UBR1: variants seen among roughly 807,000 people sequenced by gnomAD.
UBR1 encodes the protein E3 ubiquitin-protein ligase UBR1.
A neutral mutation model predicts 242.1 loss-of-function variants in UBR1; 102 were observed. The ratio of observed to expected loss-of-function variants is 0.42; its 90% CI spans 0.36 to 0.50. UBR1 has a LOEUF of 0.50. Among genes scored for constraint, UBR1 ranks in the 20% least tolerant of loss-of-function variants. The pLI is 0.01. For missense variants in UBR1, 1,772 were observed against 2,101.8 expected (o/e 0.84, Z 3.07); for synonymous variants, 675 against 684.8 (o/e 0.99, Z 0.22).
At chr15:43,076,590 G>A (rs1280928150) in intron 3 of UBR1, among the ~76,000 whole-genome samples, 2 of 150,806 alleles carry the variant, frequency 1.3e-5, no homozygotes, top group Non-Finnish European at 3.0e-5. Context: ...CCTCTGCTGG[G>A]CCGCAACCCT....
chr15:42,980,945 C>T (rs1001206514), intron 37 of UBR1, among the ~76,000 whole-genome samples: 1 of 152,140 alleles, frequency 6.6e-6, no homozygotes, highest in Non-Finnish European at 1.5e-5. Flanking sequence ...AAACAATACT[C>T]ATCACTTTAC....
chr15:43,053,388 T>C (rs908952042), intron 12 of UBR1, among the ~76,000 whole-genome samples: 1 of 152,182 alleles, frequency 6.6e-6, no homozygotes, highest in South Asian at 2.1e-4. Flanking sequence ...ATGATAGCCA[T>C]GGTAGAGAGA....
At position 42,983,928 on chromosome 15, in the gene UBR1, C is replaced by G. The variant is rs767519429; in HGVS notation, c.4119G>C (p.Leu1373=). Residue 1373 remains leucine, a synonymous_variant, in exon 37 of 47, where the codon CTG becomes CTC. Coordinates refer to ENST00000290650, the MANE Select transcript of UBR1 (RefSeq NM_174916.3). The part of the protein sequence containing the change: ...VAQRITCPQV[L]IQKHLVRLLS... ...GAAGACGAACCAGATGTTTCTGTAT[C>G]AGGACCTGAGGACAGGTAATCCTCT... 4 of 1,612,956 alleles carry G rather than the reference C, an allele frequency of 2.5e-6. No homozygotes were observed. The highest frequency in any genetic ancestry group is 1.3e-5 in the African/African-American group (1 of 74,862).
At chr15:43,007,523 T>C (rs1283818926) in intron 29 of UBR1, among the ~76,000 whole-genome samples, 2 of 151,932 alleles carry the variant, frequency 1.3e-5, no homozygotes, top group African/African-American at 4.8e-5. Context: ...ATGGAATGTA[T>C]ATTATAATTT....
Position 43,004,513 on chromosome 15 carries a change from G to C in UBR1, c.3416-583C>G, listed in dbSNP as rs201535144. On this transcript the variant is annotated intron_variant, in intron 30 of 46. Coordinates refer to ENST00000290650, the MANE Select transcript of UBR1 (RefSeq NM_174916.3). ...CCTGCCTCAGCCTGCAGAGTGCCTG[G>C]GATTGCAGGCACACGCCGCCACGCC... 5.5e-4 allele frequency among the ~76,000 whole-genome samples: 84 copies of C among 152,290 alleles called. No homozygotes were observed. The East Asian group carries it at 0.013, about 23-fold the overall frequency.
At chr15:43,024,318 G>A (rs74917404) in intron 25 of UBR1, among the ~76,000 whole-genome samples, 1 of 152,302 alleles carries the variant, frequency 6.6e-6, no homozygotes, top group South Asian at 2.1e-4. Context: ...CCATGACGTG[G>A]CATAATTAAG....
intron 14 of UBR1, among the ~76,000 whole-genome samples, chr15:43,046,682 A>G (rs1407052120): frequency 6.6e-6 from 1 of 152,216 alleles, no homozygotes; most frequent in Admixed American, 6.5e-5. Flanking sequence ...AAATAAATAA[A>G]TGAGGTCATC....
intron 41 of UBR1, among the ~76,000 whole-genome samples, chr15:42,965,875 A>G (rs1399013473): frequency 6.6e-6 from 1 of 152,254 alleles, no homozygotes; most frequent in Non-Finnish European, 1.5e-5. Flanking sequence ...CTTGTATAGC[A>G]TATCAGTTAT....
chr15:42,959,289 T>C (rs1188379323), intron 43 of UBR1, among the ~76,000 whole-genome samples: 5 of 152,018 alleles, frequency 3.3e-5, no homozygotes, highest in Non-Finnish European at 7.4e-5. Flanking sequence ...ACTCCTAGGC[T>C]CAAGCAATAC....
intron 21 of UBR1, among the ~76,000 whole-genome samples, chr15:43,029,580 T>C (rs917155262): frequency 6.6e-6 from 1 of 152,232 alleles, no homozygotes; most frequent in African/African-American, 2.4e-5. Flanking sequence ...CATCAGAATC[T>C]GATGGCTCCC....
rs1297366018 is a variant in UBR1 at position 42,983,905 on chromosome 15, A to G, written c.4142T>C (p.Leu1381Pro). The change falls in exon 37 of 47, where the codon CTT becomes CCT. Residue 1381 changes from leucine to proline, a missense_variant. Physicochemically the swap from Leu to Pro is moderately conservative, Grantham distance 98. Transcript: ENST00000290650. ...TTCAGAGAAGACTCTACCTGATAGA[A>G]GACGAACCAGATGTTTCTGTATCAG... ...QVLIQKHLVR[L>P]LSVVLPNIKS... 1 of 1,611,136 alleles carries G rather than the reference A, an allele frequency of 6.2e-7. No individual in the cohort carries two copies. Among genetic ancestry groups the G allele is most frequent in the African/African-American group, 1.3e-5 (1 of 74,820 alleles).
chr15:43,067,841 C>G (rs1410974376), intron 6 of UBR1, 57 bp downstream of exon 6: 4 of 1,610,778 alleles, frequency 2.5e-6, no homozygotes, highest in Non-Finnish European at 2.5e-6. Flanking sequence ...CAGTCAACAT[C>G]TGGCTGCCAG....
chr15:43,084,312 C>G (rs2034007714), intron 2 of UBR1, among the ~76,000 whole-genome samples: 1 of 152,036 alleles, frequency 6.6e-6, no homozygotes, highest in African/African-American at 2.4e-5. Flanking sequence ...CTAAAAATAT[C>G]TCCATGAAAC....
chr15:42,974,080 G>A (rs947558766), intron 39 of UBR1, among the ~76,000 whole-genome samples: 21 of 151,776 alleles, frequency 1.4e-4, no homozygotes, highest in Admixed American at 8.5e-4. Context: ...AGTAGAGACC[G>A]TGTTTCACCG....
intron 35 of UBR1, among the ~76,000 whole-genome samples, chr15:42,985,684 T>C (rs2032447186): frequency 1.3e-5 from 2 of 151,442 alleles, no homozygotes; most frequent in Admixed American, 1.3e-4. Context: ...TTAGAAAAGA[T>C]CAATAGGAAA....
chr15:42,992,695 T>C (rs966266650), intron 33 of UBR1, among the ~76,000 whole-genome samples: 1 of 152,226 alleles, frequency 6.6e-6, no homozygotes, highest in Non-Finnish European at 1.5e-5. Flanking sequence ...AGTCCCCTTC[T>C]ATAGTTCTCT....
chr15:43,087,803 C>A (rs1173439022), intron 1 of UBR1, among the ~76,000 whole-genome samples: 1 of 151,918 alleles, frequency 6.6e-6, no homozygotes, highest in Non-Finnish European at 1.5e-5. Flanking sequence ...ACCGAAATGT[C>A]CCAAAACAAG....
At chr15:43,007,001 T>A in intron 30 of UBR1, 78 bp downstream of exon 30, 1 of 1,413,374 alleles carries the variant, frequency 7.1e-7, no homozygotes, top group Non-Finnish European at 1.0e-6. Context: ...TTTCCAAATG[T>A]TTTTCAAATA....
In UBR1 at chr15:42,966,268, A is replaced by G; in HGVS notation, c.4476T>C (p.Ile1492=). The change falls in exon 41 of 47, where the codon ATT becomes ATC. Residue 1492 remains isoleucine (I), a synonymous_variant. Transcript: ENST00000290650. ...GTGAGACCCACAAATACCAGCCAGGAATATCACACCCAATGGAGCTAGGAG... is the reference window on the plus strand; with the variant it reads ...GTGAGACCCACAAATACCAGCCAGGGATATCACACCCAATGGAGCTAGGAG... ...QYTSGSIGCD[I]PGWYLWVSLK... is the part of the protein sequence containing the mutation. The G allele has an allele frequency of 1.2e-6, 2 of 1,614,206 alleles. No homozygotes were observed. The highest frequency in any genetic ancestry group is 1.7e-6 in the Non-Finnish European group (2 of 1,180,046).
Sources: allele counts gnomAD v4.1 joint callset (sites outside exome capture counted in the v4.1 genomes callset), GRCh38; gene constraint gnomAD v4.1.1; transcripts MANE v1.5; gene names NCBI Gene and HGNC (gene_info 2026-07-23, HGNC 2026-07-21).